CTNNA2: variants seen among roughly 807,000 people sequenced by gnomAD.
The protein encoded by CTNNA2 is catenin alpha 2, also known as catenin alpha-2.
Under a neutral mutation model 101.0 loss-of-function variants are expected in CTNNA2, and 42 were observed. The ratio of observed to expected loss-of-function variants is 0.42; its 90% confidence interval spans 0.32 to 0.54. The LOEUF is 0.54. Ranked by LOEUF, CTNNA2 falls within the 20% of genes least tolerant of loss-of-function variation. The pLI, the probability that CTNNA2 is intolerant of heterozygous loss-of-function variation, is 0.14. For synonymous variants in CTNNA2, 450 were observed against 456.4 expected, an observed-to-expected ratio of 0.99 and a Z score of 0.18; for missense variants, 871 against 1,223.1, an observed-to-expected ratio of 0.71 and a Z score of 4.29.
chr2:80,058,028 A>G (rs1368733576), intron 7 of CTNNA2, among the ~76,000 whole-genome samples: 1 of 152,222 alleles, frequency 6.6e-6, no homozygotes, highest in South Asian at 2.1e-4. Flanking sequence ...TTATTCACAC[A>G]TTTATTTTTA....
intron 7 of CTNNA2, among the ~76,000 whole-genome samples, chr2:80,172,422 T>C (rs1705124662): frequency 6.6e-6 from 1 of 152,182 alleles, no homozygotes; most frequent in Non-Finnish European, 1.5e-5. Flanking sequence ...GACACTGTTC[T>C]CTGAAAGGAA....
At chr2:79,888,540 A>T (rs1684064499) in intron 6 of CTNNA2, among the ~76,000 whole-genome samples, 1 of 152,190 alleles carries the variant, frequency 6.6e-6, no homozygotes, top group Non-Finnish European at 1.5e-5. Context: ...TGCGCATTTC[A>T]ATCACTAAAG....
At chr2:80,632,951 A>C (rs1249846076) in intron 18 of CTNNA2, among the ~76,000 whole-genome samples, 3 of 152,240 alleles carry the variant, frequency 2.0e-5, no homozygotes, top group Non-Finnish European at 2.9e-5. Flanking sequence ...CAGAGTGTCC[A>C]AACTTTCACA....
intron 2 of CTNNA2, among the ~76,000 whole-genome samples, chr2:79,204,285 G>A (rs1237696636): frequency 1.3e-5 from 2 of 152,170 alleles, no homozygotes; most frequent in Non-Finnish European, 2.9e-5. Context: ...TTGCCTTTTG[G>A]CAGCTCTTTC....
intron 2 of CTNNA2, among the ~76,000 whole-genome samples, chr2:79,238,357 A>G (rs956501338): frequency 6.6e-6 from 1 of 152,192 alleles, no homozygotes; most frequent in Admixed American, 6.5e-5. Context: ...AACCAAAACA[A>G]TTACATTGGT....
intron 7 of CTNNA2, among the ~76,000 whole-genome samples, chr2:80,164,323 C>G (rs976352351): frequency 1.3e-5 from 2 of 151,866 alleles, no homozygotes; most frequent in South Asian, 2.1e-4. Flanking sequence ...CTTGGCATAG[C>G]CTTTTTAATA....
At chr2:79,208,937 A>C (rs992597877) in intron 2 of CTNNA2, among the ~76,000 whole-genome samples, 1 of 152,204 alleles carries the variant, frequency 6.6e-6, no homozygotes, top group African/African-American at 2.4e-5. Context: ...CCCTCATCAA[A>C]ATATTTGGTA....
At chr2:80,638,504 G>A (rs1254589921) in intron 18 of CTNNA2, among the ~76,000 whole-genome samples, 1 of 152,136 alleles carries the variant, frequency 6.6e-6, no homozygotes, top group Non-Finnish European at 1.5e-5. Flanking sequence ...AAAGAAGGTG[G>A]GGACTACCTG....
intron 2 of CTNNA2, among the ~76,000 whole-genome samples, chr2:79,241,599 T>C (rs1429704192): frequency 1.3e-5 from 2 of 152,216 alleles, no homozygotes; most frequent in African/African-American, 4.8e-5. Flanking sequence ...ATTTCATTTA[T>C]TCACTGTATT....
chr2:80,539,918 T>G (rs910942210), intron 9 of CTNNA2, among the ~76,000 whole-genome samples: 9 of 152,228 alleles, frequency 5.9e-5, no homozygotes, highest in African/African-American at 2.2e-4. Context: ...ATCTTGTGGC[T>G]TCAGTTAAGT....
At chr2:79,944,762 A>G (rs1030734) in intron 7 of CTNNA2, among the ~76,000 whole-genome samples, 31,279 of 152,186 alleles carry the variant, frequency 0.21, 3,473 homozygotes, top group East Asian at 0.27. Flanking sequence ...AATCATAAGA[A>G]ACTGTCATAT....
chr2:79,778,530 A>G (rs1249630595), intron 3 of CTNNA2, among the ~76,000 whole-genome samples: 1 of 152,202 alleles, frequency 6.6e-6, no homozygotes, highest in African/African-American at 2.4e-5. Context: ...TGATGACTGT[A>G]TATATGGGTA....
intron 2 of CTNNA2, among the ~76,000 whole-genome samples, chr2:79,221,130 A>C (rs1449645520): frequency 1.9e-5 from 2 of 103,148 alleles, no homozygotes; most frequent in African/African-American, 3.3e-5. Flanking sequence ...ATAAGCTAAA[A>C]AAAATCTCAA....
At chr2:80,645,218 C>T (rs1005156480) in intron 18 of CTNNA2, among the ~76,000 whole-genome samples, 14 of 152,172 alleles carry the variant, frequency 9.2e-5, no homozygotes, top group Admixed American at 5.9e-4. Flanking sequence ...ATTTTTGAAA[C>T]CTGACAGACT....
At chr2:80,244,487 T>C (rs1302051643) in intron 7 of CTNNA2, among the ~76,000 whole-genome samples, 1 of 152,220 alleles carries the variant, frequency 6.6e-6, no homozygotes, top group African/African-American at 2.4e-5. Flanking sequence ...AGCAGATTTT[T>C]ATTTAAGGAA....
chr2:80,139,910 C>T (rs532766424), intron 7 of CTNNA2, among the ~76,000 whole-genome samples: 7 of 152,224 alleles, frequency 4.6e-5, no homozygotes, highest in South Asian at 2.1e-4. Context: ...AAGCCTGTCC[C>T]GGTGAAGTCT....
At chr2:79,638,627 TC>T (rs1680241198) in intron 1 of CTNNA2, among the ~76,000 whole-genome samples, 1 of 152,210 alleles carries the variant, frequency 6.6e-6, no homozygotes, top group Non-Finnish European at 1.5e-5. Flanking sequence ...TTACTTTAGA[TC>T]CAGTGAATCA....
At chr2:79,896,278 C>G (rs1684708449) in intron 6 of CTNNA2, among the ~76,000 whole-genome samples, 1 of 141,192 alleles carries the variant, frequency 7.1e-6, no homozygotes, top group Non-Finnish European at 1.6e-5. Flanking sequence ...GTATGAGACC[C>G]TGTCTCAAAA....
intron 7 of CTNNA2, among the ~76,000 whole-genome samples, chr2:80,371,027 CT>C (rs1675394414): frequency 6.6e-6 from 1 of 151,502 alleles, no homozygotes; most frequent in African/African-American, 2.4e-5. Flanking sequence ...ACAGCATGGC[CT>C]GATTTTCACT....
Sources: allele counts gnomAD v4.1 joint callset (sites outside exome capture counted in the v4.1 genomes callset), GRCh38; gene constraint gnomAD v4.1.1; transcripts MANE v1.5; gene names NCBI Gene and HGNC (gene_info 2026-07-23, HGNC 2026-07-21).